Variants in ANGPT1 observed in about 807,000 individuals in gnomAD.
ANGPT1 encodes the protein angiopoietin-1.
A neutral mutation model predicts 62.2 loss-of-function variants in ANGPT1; 17 were observed. The ratio of observed to expected loss-of-function variants is 0.27; its 90% confidence interval spans 0.19 to 0.41. ANGPT1 has a LOEUF of 0.41. ANGPT1 is among the 10% of genes least tolerant of loss of function. The pLI, the probability that ANGPT1 is intolerant of heterozygous loss-of-function variation, is 1.00. For missense variants in ANGPT1, 478 were observed against 594.9 expected (o/e 0.80, Z 2.04); for synonymous variants, 199 against 198.9 (o/e 1.00, Z 0.00).
At chr8:107,468,348 C>T (rs1392070281) in intron 1 of ANGPT1, among the ~76,000 whole-genome samples, 2 of 151,940 alleles carry the variant, frequency 1.3e-5, no homozygotes, top group Non-Finnish European at 2.9e-5. Flanking sequence ...AAAAATCAAT[C>T]AAATAATAAA....
At chr8:107,371,332 T>C (rs1325794927) in intron 1 of ANGPT1, among the ~76,000 whole-genome samples, 5 of 152,196 alleles carry the variant, frequency 3.3e-5, no homozygotes, top group Non-Finnish European at 5.9e-5. Flanking sequence ...AAATAATTTG[T>C]CAGTCAATCT....
intron 4 of ANGPT1, among the ~76,000 whole-genome samples, chr8:107,314,119 C>T (rs1814952417): frequency 6.6e-6 from 1 of 152,128 alleles, no homozygotes; most frequent in African/African-American, 2.4e-5. Context: ...CAGGAAATGA[C>T]TTAATTGAAA....
At chr8:107,358,470 T>C (rs1816095913) in intron 1 of ANGPT1, among the ~76,000 whole-genome samples, 1 of 152,148 alleles carries the variant, frequency 6.6e-6, no homozygotes, top group South Asian at 2.1e-4. Flanking sequence ...TGATGCTTGT[T>C]ACATCCCAAG....
At chr8:107,387,258 G>A (rs752987425) in intron 1 of ANGPT1, among the ~76,000 whole-genome samples, 5 of 152,104 alleles carry the variant, frequency 3.3e-5, no homozygotes, top group Non-Finnish European at 7.4e-5. Flanking sequence ...GAAATGACCT[G>A]AAGATATTCT....
chr8:107,276,689 T>C (rs901348533), intron 7 of ANGPT1, among the ~76,000 whole-genome samples: 1 of 152,116 alleles, frequency 6.6e-6, no homozygotes, highest in African/African-American at 2.4e-5. Flanking sequence ...TCATTTTACT[T>C]CTGAGGATCT....
chr8:107,494,302 A>G lies in ANGPT1; in HGVS notation c.297+2960T>C, dbSNP rs947117379. On this transcript the variant is annotated intron_variant, in intron 1 of 8. Coordinates refer to ENST00000517746, the MANE Select transcript of ANGPT1 (RefSeq NM_001146.5). ...GTACAGGATGTGGGCTAAATGTTTC[A>G]CTGTCATAGAGAGGTAGGGAGAGAT... Among the ~76,000 whole-genome samples the G allele has an allele frequency of 7.9e-5, 12 of 152,296 alleles. No homozygotes were observed. The South Asian group carries it at 2.1e-3, about 26-fold the overall frequency.
intron 7 of ANGPT1, among the ~76,000 whole-genome samples, 165 bp from the exon 8 acceptor site, chr8:107,264,516 C>T (rs984214807): frequency 2.0e-5 from 3 of 152,088 alleles, no homozygotes; most frequent in African/African-American, 7.2e-5. Flanking sequence ...ACCAAAAGAA[C>T]AAAGGAAGGA....
intron 1 of ANGPT1, among the ~76,000 whole-genome samples, chr8:107,459,077 T>A (rs1282474203): frequency 6.6e-6 from 1 of 152,148 alleles, no homozygotes. Flanking sequence ...CTGACAGGTA[T>A]AACTCTGTAT....
chr8:107,424,647 A>G (rs891308926), intron 1 of ANGPT1, among the ~76,000 whole-genome samples: 1 of 152,244 alleles, frequency 6.6e-6, no homozygotes, highest in Non-Finnish European at 1.5e-5. Context: ...CACAACTGGA[A>G]AACATTGGGC....
At chr8:107,406,945 A>G (rs1169410548) in intron 1 of ANGPT1, among the ~76,000 whole-genome samples, 1 of 150,530 alleles carries the variant, frequency 6.6e-6, no homozygotes, top group Non-Finnish European at 1.5e-5. Flanking sequence ...TCCTTAAGTC[A>G]GTTTATATGT....
chr8:107,441,723 T>G (rs1352538004), intron 1 of ANGPT1, among the ~76,000 whole-genome samples: 1 of 152,140 alleles, frequency 6.6e-6, no homozygotes, highest in African/African-American at 2.4e-5. Context: ...AGATTATACG[T>G]GGTTCAGGGC....
chr8:107,481,697 A>G (rs964409883), intron 1 of ANGPT1, among the ~76,000 whole-genome samples: 1 of 152,166 alleles, frequency 6.6e-6, no homozygotes, highest in Non-Finnish European at 1.5e-5. Context: ...GGGAGGCCTC[A>G]GGAAACTTAC....
intron 1 of ANGPT1, among the ~76,000 whole-genome samples, chr8:107,386,257 A>C (rs2130289275): frequency 6.6e-6 from 1 of 152,184 alleles, no homozygotes; most frequent in South Asian, 2.1e-4. Context: ...GGAGGGTAGG[A>C]GGAGTGAGAA....
intron 7 of ANGPT1, among the ~76,000 whole-genome samples, chr8:107,278,704 T>C (rs1813923964): frequency 6.6e-6 from 1 of 152,210 alleles, no homozygotes; most frequent in African/African-American, 2.4e-5. Flanking sequence ...ATTGTGTATT[T>C]CTTCACTTAG....
chr8:107,307,118 T>C (rs993554023), intron 4 of ANGPT1, among the ~76,000 whole-genome samples: 2 of 152,116 alleles, frequency 1.3e-5, no homozygotes, highest in Non-Finnish European at 2.9e-5. Flanking sequence ...TCCTTTCTTA[T>C]TCTTTAATTT....
At chr8:107,433,130 A>T (rs1811239856) in intron 1 of ANGPT1, among the ~76,000 whole-genome samples, 1 of 152,148 alleles carries the variant, frequency 6.6e-6, no homozygotes. Context: ...AGTTGAGATC[A>T]TTGCCCATTT....
chr8:107,326,685 A>G (rs764847607), intron 3 of ANGPT1, among the ~76,000 whole-genome samples: 4 of 152,124 alleles, frequency 2.6e-5, no homozygotes, highest in Non-Finnish European at 5.9e-5. Context: ...TTATTATCTT[A>G]TTCTTGTAAC....
intron 7 of ANGPT1, among the ~76,000 whole-genome samples, chr8:107,277,856 A>G (rs1265212480): frequency 6.6e-6 from 1 of 152,156 alleles, no homozygotes; most frequent in African/African-American, 2.4e-5. Context: ...TTTCAGGTAA[A>G]AGGCGACTCA....
chr8:107,281,669 T>C (rs1027164797), intron 7 of ANGPT1, among the ~76,000 whole-genome samples: 1 of 152,042 alleles, frequency 6.6e-6, no homozygotes, highest in Admixed American at 6.6e-5. Flanking sequence ...TCCCAGCTAC[T>C]AGAGAGGCTG....
Sources: gnomAD v4.1 joint callset for allele counts (sites outside exome capture counted in the v4.1 genomes callset) on GRCh38, gnomAD v4.1.1 for gene constraint, MANE v1.5 for transcripts, NCBI Gene and HGNC (gene_info 2026-07-23, HGNC 2026-07-21) for gene names.